TMEM181: variants seen among roughly 807,000 people sequenced by gnomAD.
TMEM181 encodes the protein transmembrane protein 181, also known as G protein-coupled receptor 178.
TMEM181 carries 39 observed loss-of-function variants against 71.9 expected under a neutral mutation model. The observed-to-expected ratio is 0.54, with a 90% CI of 0.42 to 0.71. The LOEUF (loss-of-function observed/expected upper bound fraction) is 0.71. TMEM181 is among the 30% of genes least tolerant of loss of function. The pLI is 0.00. For missense variants in TMEM181, 595 were observed against 583.0 expected, an observed-to-expected ratio of 1.02 and a Z score of -0.21; for synonymous variants, 245 against 228.8, an observed-to-expected ratio of 1.07 and a Z score of -0.64.
chr6:158,548,315 A>G (rs969047421), intron 1 of TMEM181, among the ~76,000 whole-genome samples: 8 of 152,104 alleles, frequency 5.3e-5, no homozygotes, highest in Admixed American at 3.9e-4. Context: ...TAAAATTGAC[A>G]TGGAAACTAT....
At chr6:158,589,893 G>A (rs1784010097) in intron 6 of TMEM181, 111 bp downstream of exon 6, 1 of 798,734 alleles carries the variant, frequency 1.3e-6, no homozygotes. Flanking sequence ...TTGGACAGTG[G>A]AGGACTTGTA....
At chr6:158,628,749 C>T (rs1786485119) in intron 14 of TMEM181, among the ~76,000 whole-genome samples, 1 of 152,224 alleles carries the variant, frequency 6.6e-6, no homozygotes, top group Admixed American at 6.5e-5. Context: ...AGCCCGGCTC[C>T]AAACCCAGAG....
At chr6:158,582,390 G>C (rs1783531011) in intron 3 of TMEM181, among the ~76,000 whole-genome samples, 1 of 152,182 alleles carries the variant, frequency 6.6e-6, no homozygotes, top group Admixed American at 6.5e-5. Flanking sequence ...ATGGTTTTTA[G>C]GCAAATCTTT....
chr6:158,625,333 G>GC (rs1371963117), intron 12 of TMEM181, 127 bp downstream of exon 12: 2 of 810,010 alleles, frequency 2.5e-6, no homozygotes, highest in Non-Finnish European at 4.1e-6. Context: ...ATTCCCACAG[G>GC]CTGGGGACCA....
chr6:158,544,182 A>AGAGAGAGAGTGTGTGTGTGTGTGTGTGT (rs149735409), intron 1 of TMEM181, among the ~76,000 whole-genome samples: 1,533 of 127,550 alleles, frequency 0.012, 23 homozygotes, highest in Non-Finnish European at 0.018. Context: ...AATTGGAGAG[A>AGAGAGAGAGTGTGTGTGTGTGTGTGTGT]GTGTGTGTGT....
chr6:158,569,386 ACCC>A (rs1782681042), intron 1 of TMEM181, among the ~76,000 whole-genome samples: 1 of 152,176 alleles, frequency 6.6e-6, no homozygotes, highest in Non-Finnish European at 1.5e-5. Flanking sequence ...AGGCGGTTAT[ACCC>A]AGCTTACACT....
At chr6:158,561,750 C>G (rs556691516) in intron 1 of TMEM181, among the ~76,000 whole-genome samples, 2 of 152,158 alleles carry the variant, frequency 1.3e-5, no homozygotes, top group African/African-American at 4.8e-5. Context: ...GAGGCCTCCC[C>G]CTGCAGCTGT....
In TMEM181 at chr6:158,620,077, A is replaced by G. The variant is rs1725799833; in HGVS notation, c.897-3473A>G. 6.6e-6 allele frequency among the ~76,000 whole-genome samples: 1 copy of G among 152,110 alleles called. No homozygotes were observed. Among genetic ancestry groups the G allele is most frequent in the Non-Finnish European group, 1.5e-5 (1 of 68,010 alleles). Reference sequence around the variant, plus strand: ...CTTGTTTGTATTGGGACCAGGCCATATTGCAATAAAAAACTAAACACTTTG... The same window carrying G: ...CTTGTTTGTATTGGGACCAGGCCATGTTGCAATAAAAAACTAAACACTTTG... On this transcript the variant is annotated intron_variant, in intron 10 of 16. Transcript: ENST00000684151. The surrounding 1 kb of genome is among the most constrained non-coding windows in gnomAD (Gnocchi z 4.5).
At chr6:158,608,841 TA>T in intron 10 of TMEM181, 91 bp downstream of exon 10, 1 of 1,187,738 alleles carries the variant, frequency 8.4e-7, no homozygotes, top group Non-Finnish European at 1.2e-6. Context: ...CTCACGCCTG[TA>T]ATCCCAGCAC....
intron 13 of TMEM181, chr6:158,626,747 TACAACCTC>T (rs756173913): frequency 5.4e-5 from 24 of 447,062 alleles, no homozygotes; most frequent in Admixed American, 1.2e-4. Context: ...CACATGGCCA[TACAACCTC>T]ACAACCTCAC....
chr6:158,611,756 C>G, intron 10 of TMEM181: 1 of 234,122 alleles, frequency 4.3e-6, no homozygotes, highest in South Asian at 5.7e-5. Flanking sequence ...AAAAGCGGCT[C>G]AACAGTCAAA....
chr6:158,560,609 C>T (rs1782104962), intron 1 of TMEM181, among the ~76,000 whole-genome samples: 1 of 152,284 alleles, frequency 6.6e-6, no homozygotes, highest in Admixed American at 6.5e-5. Context: ...CCCGGGCAGC[C>T]TCTCCTGCCG....
chr6:158,555,427 T>C (rs748492882), upstream of TMEM181, among the ~76,000 whole-genome samples: 5 of 152,216 alleles, frequency 3.3e-5, no homozygotes, highest in Non-Finnish European at 5.9e-5. Context: ...TTGTTGGTTT[T>C]GGTTTAAAAA....
At chr6:158,590,752 G>A (rs190687711) in intron 6 of TMEM181, among the ~76,000 whole-genome samples, 99 of 152,330 alleles carry the variant, frequency 6.5e-4, no homozygotes, top group Middle Eastern at 3.4e-3. Context: ...GTGAGCCACC[G>A]CGCCCGGCCC....
At chr6:158,611,004 A>G (rs1583031478) in intron 10 of TMEM181, 5 of 444,996 alleles carry the variant, frequency 1.1e-5, no homozygotes, top group Non-Finnish European at 2.2e-5. Context: ...GGGGTGCTCC[A>G]TCACCACCTC....
intron 10 of TMEM181, among the ~76,000 whole-genome samples, chr6:158,623,014 G>T (rs1049561825): frequency 6.6e-6 from 1 of 152,260 alleles, no homozygotes; most frequent in East Asian, 1.9e-4. Context: ...GGACTTTCAC[G>T]GAGTAGCTCC....
rs61401561 is a variant in TMEM181 at position 158,542,868 on chromosome 6, GTTTTTTT to G, written c.131+6022_131+6028del. ...TCTGCCTGCCTCGGCCTCCAGAGTGGTTTTTTTTTTTTTTTTTTTTTTTTTGAGACAG... is the reference window on the plus strand; with the variant it reads ...TCTGCCTGCCTCGGCCTCCAGAGTGGTTTTTTTTTTTTTTTTTTGAGACAG... On this transcript the variant is annotated intron_variant, in intron 1 of 16. Transcript: ENST00000367090. Among the ~76,000 whole-genome samples the G allele has an allele frequency of 6.8e-5, 5 of 73,462 alleles. No individual in the cohort carries two copies. In the Admixed American group the frequency reaches 8.4e-4, roughly 12 times the overall value. 48.2% of individuals were successfully genotyped at this position (73,462 alleles called of 152,430 possible).
At chr6:158,559,077 G>C (rs1348358156), upstream of TMEM181, among the ~76,000 whole-genome samples, 1 of 152,080 alleles carries the variant, frequency 6.6e-6, no homozygotes, top group African/African-American at 2.4e-5. Context: ...TGGTGTCCTG[G>C]CTTAGGGTGT....
chr6:158,545,730 G>T (rs1172329052), intron 1 of TMEM181, among the ~76,000 whole-genome samples: 2 of 151,930 alleles, frequency 1.3e-5, no homozygotes, highest in Non-Finnish European at 2.9e-5. Context: ...GCCCAGGTTG[G>T]AGTGCAGTGG....
Sources: allele counts gnomAD v4.1 joint callset (sites outside exome capture counted in the v4.1 genomes callset), GRCh38; gene constraint gnomAD v4.1.1; non-coding constraint Gnocchi (gnomAD v3.1); transcripts MANE v1.5; gene names NCBI Gene and HGNC (gene_info 2026-07-23, HGNC 2026-07-21).